The following ATAD2B variants were observed in gnomAD, a reference collection of about 807,000 sequenced individuals.
ATAD2B encodes ATPase family AAA domain containing 2B, also known as ATPase family AAA domain-containing protein 2B.
A neutral mutation model predicts 167.6 loss-of-function variants in ATAD2B; 40 were observed. That is an observed-to-expected ratio of 0.24 (90% CI 0.19 to 0.31). The LOEUF (loss-of-function observed/expected upper bound fraction) is 0.31. ATAD2B is among the 10% of genes least tolerant of loss of function. The probability of loss-of-function intolerance (pLI) is 1.00; values close to 1 mark genes in which losing one functional copy is unlikely to be tolerated. For synonymous variants in ATAD2B, 579 were observed against 596.5 expected (o/e 0.97, Z 0.43); for missense variants, 1,242 against 1,757.2 (o/e 0.71, Z 5.24).
chr2:23,769,981 G>A (rs1678063844), intron 22 of ATAD2B, among the ~76,000 whole-genome samples: 1 of 151,668 alleles, frequency 6.6e-6, no homozygotes, highest in Non-Finnish European at 1.5e-5. Context: ...ACTGTACCCG[G>A]CCTCACTGTG....
intron 20 of ATAD2B, among the ~76,000 whole-genome samples, chr2:23,787,316 C>G (rs1378850133): frequency 6.6e-6 from 1 of 151,684 alleles, no homozygotes; most frequent in Non-Finnish European, 1.5e-5. Context: ...AAGTGAAAGT[C>G]AACAGAAGCA....
intron 15 of ATAD2B, among the ~76,000 whole-genome samples, chr2:23,824,431 CAG>C (rs1687935559): frequency 6.6e-6 from 1 of 152,094 alleles, no homozygotes. Context: ...AGTATATAAA[CAG>C]AAACTTCAAA....
the ATAD2B span, among the ~76,000 whole-genome samples, chr2:23,713,585 T>G: frequency 6.6e-6 from 1 of 151,994 alleles, no homozygotes; most frequent in East Asian, 1.9e-4. Flanking sequence ...CCCCAACCCC[T>G]AACCCCGGGC....
the ATAD2B span, among the ~76,000 whole-genome samples, chr2:23,680,869 G>A: frequency 6.6e-6 from 1 of 152,178 alleles, no homozygotes; most frequent in East Asian, 1.9e-4. This position sits in a 1 kb window ranked among gnomAD's most constrained non-coding sequence, Gnocchi z 4.1. Context: ...AGTGCAGGGT[G>A]CCAGGTGCTT....
At chr2:23,763,096 A>G (rs770167507) in intron 23 of ATAD2B, among the ~76,000 whole-genome samples, 7 of 152,230 alleles carry the variant, frequency 4.6e-5, no homozygotes, top group Non-Finnish European at 1.0e-4. Context: ...AGATCAAATT[A>G]AAGATAACTG....
At chr2:23,908,919 A>G (rs186524465) in intron 1 of ATAD2B, among the ~76,000 whole-genome samples, 2,142 of 145,938 alleles carry the variant, frequency 0.015, 29 homozygotes, top group Non-Finnish European at 0.024. Context: ...ATTCTCACTC[A>G]TAGGTGGGAA....
chr2:23,840,101 G>C lies in ATAD2B; in HGVS notation c.1569-6023C>G, dbSNP rs565542614. On this transcript the variant is annotated intron_variant, in intron 13 of 27. Coordinates refer to ENST00000238789, the MANE Select transcript of ATAD2B (RefSeq NM_017552.4). ...TTGCTAAGTAATATTCCATTATATA[G>C]ATATGCCACAATTTGTTTATCCATT... is the stretch of plus-strand genomic sequence containing the variant. Among the ~76,000 whole-genome samples, 13 of 152,148 alleles carry C rather than the reference G, an allele frequency of 8.5e-5. No homozygotes were observed. The East Asian group carries it at 2.3e-3, about 27-fold the overall frequency.
At chr2:23,701,165 C>G in the ATAD2B span, among the ~76,000 whole-genome samples, 1 of 88,982 alleles carries the variant, frequency 1.1e-5, no homozygotes, top group Non-Finnish European at 2.6e-5. Context: ...CAGTCCCAAG[C>G]CAGACCCTGA....
rs11378615 is a variant in ATAD2B, at chr2:23,834,152, C to CTTTTTTTTT, written c.1569-83_1569-75dup. 67 of 119,650 alleles carry CTTTTTTTTT rather than the reference C, an allele frequency of 5.6e-4. 3 individuals are homozygous for CTTTTTTTTT. Among genetic ancestry groups the CTTTTTTTTT allele is most frequent in the Non-Finnish European group, 6.9e-4 (49 of 70,740 alleles). The allele number at this position is 119,650 out of a possible 1,614,324, so 7.4% of individuals were successfully genotyped here. The stretch of plus-strand genomic sequence containing the variant: ...CTTACAATAACGTTTATCAGTCTTT[C>CTTTTTTTTT]TTTTTTTTTTTTTTTTTTTTTTTTT... On this transcript the variant is annotated intron_variant, in intron 13 of 27. Coordinates refer to ENST00000238789, the MANE Select transcript of ATAD2B (RefSeq NM_017552.4).
chr2:23,926,413 C>A (rs1222376138), intron 1 of ATAD2B, 142 bp downstream of exon 1: 1 of 1,401,160 alleles, frequency 7.1e-7, no homozygotes, highest in African/African-American at 1.5e-5. Context: ...TGGGTGCCAC[C>A]CTCCACCGCG....
intron 17 of ATAD2B, among the ~76,000 whole-genome samples, chr2:23,814,227 T>C (rs1448269232): frequency 6.6e-6 from 1 of 152,128 alleles, no homozygotes; most frequent in Admixed American, 6.5e-5. Flanking sequence ...AACAAGACAA[T>C]TCAAAGAGAA....
At position 23,863,561 on chromosome 2, in the gene ATAD2B, A is replaced by ATT; in HGVS notation, c.1305-7_1305-6insAA. 3 of 1,541,512 alleles carry ATT rather than the reference A, an allele frequency of 1.9e-6. No homozygotes were observed. Among genetic ancestry groups the ATT allele is most frequent in the Non-Finnish European group, 2.6e-6 (3 of 1,147,282 alleles). ...GGCCATAAAACAAACAGCCCCTAGAAGAATAAAAAAATCAAGAAGTGTAAA... is the reference window on the plus strand; with the variant it reads ...GGCCATAAAACAAACAGCCCCTAGAATTGAATAAAAAAATCAAGAAGTGTAAA... On this transcript the variant is annotated splice_polypyrimidine_tract_variant and splice_region_variant and intron_variant, in intron 11 of 27. Transcript: ENST00000238789.
At chr2:23,889,943 G>A (rs991424030) in intron 2 of ATAD2B, among the ~76,000 whole-genome samples, 9 of 149,456 alleles carry the variant, frequency 6.0e-5, no homozygotes, top group Non-Finnish European at 1.0e-4. Context: ...GGCTGGGCGC[G>A]GTGGCTCATG....
chr2:23,808,141 CTTATA>C (rs60410227), intron 18 of ATAD2B, among the ~76,000 whole-genome samples: 26,436 of 63,144 alleles, frequency 0.42, 3,110 homozygotes, highest in African/African-American at 0.44. Context: ...TAAGTGATTA[CTTATA>C]TTATATGTTA....
intron 6 of ATAD2B, among the ~76,000 whole-genome samples, chr2:23,881,134 CA>C (rs1206409773): frequency 6.6e-6 from 1 of 152,092 alleles, no homozygotes; most frequent in Non-Finnish European, 1.5e-5. Context: ...GATTAGTATT[CA>C]AATACCACTT....
chr2:23,875,912 G>C lies in ATAD2B; in HGVS notation c.902-8C>G. ...TTTTTTGATGAGCTGGTACTAAAAG[G>C]GAAGAAAAGGATAATAGAGAAATAA... On this transcript the variant is annotated splice_polypyrimidine_tract_variant and splice_region_variant and intron_variant, in intron 7 of 27. Transcript: ENST00000238789. 6.4e-7 allele frequency: 1 copy of C among 1,569,054 alleles called. No individual in the cohort carries two copies. The highest frequency in any genetic ancestry group is 1.1e-5 in the South Asian group (1 of 87,986).
chr2:23,854,369 T>C (rs942525839), intron 13 of ATAD2B, among the ~76,000 whole-genome samples: 8 of 151,948 alleles, frequency 5.3e-5, no homozygotes, highest in Middle Eastern at 3.2e-3. Context: ...AAATGAATCA[T>C]TGACTTAAAT....
intron 1 of ATAD2B, among the ~76,000 whole-genome samples, chr2:23,910,573 A>G (rs1340293112): frequency 1.3e-5 from 2 of 151,582 alleles, no homozygotes; most frequent in Non-Finnish European, 2.9e-5. Flanking sequence ...ATTTTTTTAA[A>G]AGAGATGGTG....
intron 13 of ATAD2B, among the ~76,000 whole-genome samples, chr2:23,838,067 A>G (rs2149785624): frequency 6.6e-6 from 1 of 152,356 alleles, no homozygotes; most frequent in East Asian, 1.9e-4. Flanking sequence ...TGTTAAAGAA[A>G]TCATTCTCCT....
Sources: allele counts gnomAD v4.1 joint callset (sites outside exome capture counted in the v4.1 genomes callset), GRCh38; gene constraint gnomAD v4.1.1; non-coding constraint Gnocchi (gnomAD v3.1); transcripts MANE v1.5; gene names NCBI Gene and HGNC (gene_info 2026-07-23, HGNC 2026-07-21).